The following AQR variants were observed in gnomAD, a reference collection of about 807,000 sequenced individuals.
AQR encodes RNA helicase aquarius.
A neutral mutation model predicts 180.5 loss-of-function variants in AQR; 61 were observed. The observed-to-expected ratio is 0.34, with a 90% CI of 0.28 to 0.42. AQR has a LOEUF of 0.42. Ranked by LOEUF, AQR falls within the 10% of genes least tolerant of loss-of-function variation. AQR has a pLI of 1.00. For missense variants in AQR, 1,281 were observed against 1,798.3 expected (o/e 0.71, Z 5.20); for synonymous variants, 551 against 588.8 (o/e 0.94, Z 0.93).
rs1189973798 is a variant in AQR, at chr15:34,857,071, C to CTCT, written c.4176_4178dup (p.Glu1393dup). 8.7e-6 allele frequency: 14 copies of CTCT among 1,604,890 alleles called. No homozygotes were observed. The highest frequency in any genetic ancestry group is 1.2e-5 in the Non-Finnish European group (14 of 1,176,140). On this transcript the variant is annotated inframe_insertion, in exon 35 of 35. Coordinates refer to ENST00000156471, the MANE Select transcript of AQR (RefSeq NM_014691.3). ...TTTCTTGATTTTGAACTTCCTCACC[C>CTCT]TCTTCTACCATAGCAGGTGGTAGTT...
Position 34,862,991 on chromosome 15 carries a change from T to G in AQR, c.3905A>C (p.Tyr1302Ser). Residue 1302 changes from tyrosine to serine, a missense_variant, in exon 33 of 35, where the codon TAT (tyrosine) becomes TCT (serine). Physicochemically the swap from Tyr to Ser is moderately radical, Grantham distance 144. Coordinates refer to ENST00000156471, the MANE Select transcript of AQR (RefSeq NM_014691.3). ...GAAGAGGGATACTCTGGCGAAGATA[T>G]AAAGTCCAAGTCTGGCTCTAGACAT... The part of the protein sequence containing the change: ...VAMSRARLGL[Y>S]IFARVSLFQN... 6.2e-7 allele frequency: 1 copy of G among 1,613,804 alleles called. No homozygotes were observed. Among genetic ancestry groups the G allele is most frequent in the Non-Finnish European group, 8.5e-7 (1 of 1,179,842 alleles).
chr15:34,893,348 G>C (rs1713442421), intron 23 of AQR, among the ~76,000 whole-genome samples: 1 of 152,240 alleles, frequency 6.6e-6, no homozygotes, highest in South Asian at 2.1e-4. Flanking sequence ...GTCACTGCGT[G>C]ATGGGGAAGC....
At chr15:34,953,039 T>C in intron 3 of AQR, 119 bp from the exon 4 acceptor site, 1 of 573,970 alleles carries the variant, frequency 1.7e-6, no homozygotes, top group Non-Finnish European at 3.0e-6. Flanking sequence ...TCAAAATTCA[T>C]AATATCAGAT....
At position 34,948,386 on chromosome 15, in the gene AQR, TGTAAAGA is replaced by T. The variant is rs1169264373; in HGVS notation, c.210-9_210-3del. Reference sequence around the variant, plus strand: ...CAGAGATAATTTTCAAGATACTGGCTGTAAAGAGTAAAAAGCATAGAATACTTCATTA... The same window carrying T: ...CAGAGATAATTTTCAAGATACTGGCTGTAAAAAGCATAGAATACTTCATTA... On this transcript the variant is annotated splice_polypyrimidine_tract_variant and splice_region_variant and intron_variant, in intron 4 of 34. Transcript: ENST00000156471. The T allele has an allele frequency of 1.2e-6, 2 of 1,611,646 alleles. No homozygotes were observed. The highest frequency in any genetic ancestry group is 2.2e-5 in the East Asian group (1 of 44,828).
At chr15:34,946,588 C>T (rs1368912856) in intron 5 of AQR, among the ~76,000 whole-genome samples, 14 of 145,344 alleles carry the variant, frequency 9.6e-5, no homozygotes, top group African/African-American at 3.6e-4. Flanking sequence ...TGGGGGGGGT[C>T]AGCCCCCAGC....
chr15:34,880,115 C>G (rs773506956), intron 27 of AQR, among the ~76,000 whole-genome samples: 3 of 152,120 alleles, frequency 2.0e-5, no homozygotes, highest in Non-Finnish European at 4.4e-5. Context: ...AACAGCTACA[C>G]TGGAAGACAG....
intron 24 of AQR, among the ~76,000 whole-genome samples, 156 bp from the exon 25 acceptor site, chr15:34,886,817 C>T (rs1215776094): frequency 6.6e-6 from 1 of 151,754 alleles, no homozygotes; most frequent in African/African-American, 2.4e-5. Flanking sequence ...TCTTGGGTTA[C>T]TTTACACAAA....
intron 19 of AQR, among the ~76,000 whole-genome samples, chr15:34,901,828 A>G (rs992021538): frequency 6.6e-6 from 1 of 152,172 alleles, no homozygotes; most frequent in Admixed American, 6.5e-5. Flanking sequence ...TTCCCACAAG[A>G]GTAGGGATCT....
chr15:34,929,857 T>A (rs970578711), intron 12 of AQR, among the ~76,000 whole-genome samples: 5 of 152,244 alleles, frequency 3.3e-5, no homozygotes, highest in African/African-American at 1.2e-4. Context: ...CAAGTGAAGA[T>A]ACTTTTTTGG....
Position 34,870,732 on chromosome 15 carries a change from T to C in AQR, c.3768+20A>G, listed in dbSNP as rs766776153. On this transcript the variant is annotated intron_variant, in intron 31 of 34. Transcript: ENST00000156471. Reference sequence around the variant, plus strand: ...TGCCAAAATGATGAATAAGAGAACATATTATAATTATAAAAGTACCTTGTT... The same window carrying C: ...TGCCAAAATGATGAATAAGAGAACACATTATAATTATAAAAGTACCTTGTT... 2.8e-5 allele frequency: 44 copies of C among 1,598,988 alleles called. No homozygotes were observed. The highest frequency in any genetic ancestry group is 3.5e-5 in the Non-Finnish European group (41 of 1,172,534).
intron 27 of AQR, among the ~76,000 whole-genome samples, chr15:34,876,781 C>G (rs940442883): frequency 2.0e-5 from 3 of 152,194 alleles, no homozygotes; most frequent in African/African-American, 7.2e-5. Context: ...TTTCTCCTTA[C>G]TCACTAAGCT....
chr15:34,941,028 C>T (rs781108765), intron 7 of AQR, 29 bp from the exon 8 acceptor site: 2 of 1,464,914 alleles, frequency 1.4e-6, no homozygotes, highest in Non-Finnish European at 1.9e-6. Flanking sequence ...ATTAAATTAC[C>T]AGTAGCCTCA....
chr15:34,871,031 G>T, intron 30 of AQR, 109 bp from the exon 31 acceptor site: 1 of 1,017,440 alleles, frequency 9.8e-7, no homozygotes, highest in Non-Finnish European at 1.4e-6. Flanking sequence ...CACACTGCAA[G>T]AAGTGAAGAC....
intron 1 of AQR, among the ~76,000 whole-genome samples, chr15:34,969,069 A>G (rs10152363): frequency 0.88 from 134,006 of 152,170 alleles, 60,254 homozygotes; most frequent in South Asian, 0.97. Flanking sequence ...GTTTTTAGAT[A>G]GGTCTATTTG....
Position 34,860,124 on chromosome 15 carries a change from A to T in AQR, c.4061T>A (p.Ile1354Lys). The change falls in exon 34 of 35, where the codon ATA (isoleucine) becomes AAA (lysine). Residue 1354 changes from isoleucine to lysine, a missense_variant. Around this residue, in one of 9 missense-constraint regions of AQR, gnomAD observed 182 missense variants for 185.3 expected, o/e 0.98. Transcript: ENST00000156471. ...TGCCATCTGGGGCATATTTTTTATT[A>T]TTTGTACTTCATGAGATGGTCTCTC... ...NGERPSHEVQ[I>K]IKNMPQMANF... is the part of the protein sequence containing the mutation. The T allele has an allele frequency of 6.6e-7, 1 of 1,526,330 alleles. No individual in the cohort carries two copies. The highest frequency in any genetic ancestry group is 8.9e-7 in the Non-Finnish European group (1 of 1,126,610). 94.5% of individuals were successfully genotyped at this position (1,526,330 alleles called of 1,614,324 possible).
chr15:34,879,017 G>A (rs1406802324), intron 27 of AQR, among the ~76,000 whole-genome samples: 4 of 150,902 alleles, frequency 2.7e-5, no homozygotes, highest in Non-Finnish European at 5.9e-5. Flanking sequence ...AACAGAGCAA[G>A]GCTCTGTCTC....
In AQR at chr15:34,947,873, C is replaced by T. The variant is rs571647039; in HGVS notation, c.330+391G>A. ...CAGGCTGGTCTTGAACTCCTGGCTT[C>T]GAGCAATCCTCCCACCTCAGCTTTC... On this transcript the variant is annotated intron_variant, in intron 5 of 34. Transcript: ENST00000156471. Among the ~76,000 whole-genome samples the T allele has an allele frequency of 6.6e-5, 10 of 152,228 alleles. No individual in the cohort carries two copies. The South Asian group carries it at 2.1e-3, about 32-fold the overall frequency.
rs189841858 is a variant in AQR at position 34,958,584 on chromosome 15, T to C, written c.173+2190A>G. On this transcript the variant is annotated intron_variant, in intron 3 of 34. Transcript: ENST00000156471. Reference sequence around the variant, plus strand: ...CATATAAAAAGCAGCCAAATGTATATGGCTTAAAAATCATTAGCAGCTTTT... The same window carrying C: ...CATATAAAAAGCAGCCAAATGTATACGGCTTAAAAATCATTAGCAGCTTTT... Among the ~76,000 whole-genome samples the C allele has an allele frequency of 2.8e-3, 422 of 152,288 alleles. 1 individual carries two copies. Among genetic ancestry groups the C allele is most frequent in the African/African-American group, 9.6e-3 (399 of 41,572 alleles).
chr15:34,864,653 T>G (rs2140458807), intron 32 of AQR, among the ~76,000 whole-genome samples: 1 of 152,282 alleles, frequency 6.6e-6, no homozygotes, highest in Non-Finnish European at 1.5e-5. Flanking sequence ...GGTGATAAAC[T>G]GTTGTTTTCA....
Sources: gnomAD v4.1 joint callset for allele counts (sites outside exome capture counted in the v4.1 genomes callset) on GRCh38, gnomAD v4.1.1 for gene constraint, gnomAD v4.1.1 regional missense constraint, MANE v1.5 for transcripts, NCBI Gene and HGNC (gene_info 2026-07-23, HGNC 2026-07-21) for gene names.